The following MGAT4C variants were observed in gnomAD, a reference collection of about 807,000 sequenced individuals.
MGAT4C encodes the protein alpha-1,3-mannosyl-glycoprotein 4-beta-N-acetylglucosaminyltransferase C.
In MGAT4C, 19 loss-of-function variants were observed where a neutral mutation model predicts 40.1. The ratio of observed to expected loss-of-function variants is 0.47; its 90% CI spans 0.33 to 0.70. The LOEUF (loss-of-function observed/expected upper bound fraction) is 0.70. MGAT4C is among the 30% of genes least tolerant of loss of function. MGAT4C has a pLI of 0.02. For missense variants in MGAT4C, 491 were observed against 563.2 expected, an observed-to-expected ratio of 0.87 and a Z score of 1.30; for synonymous variants, 181 against 187.1, an observed-to-expected ratio of 0.97 and a Z score of 0.27.
intron 1 of MGAT4C, among the ~76,000 whole-genome samples, chr12:86,743,213 C>T (rs116980453): frequency 0.027 from 3,817 of 141,884 alleles, 75 homozygotes; most frequent in Non-Finnish European, 0.038. Flanking sequence ...ACAATAAGTA[C>T]GGCAGAGTTA....
At chr12:86,469,599 A>G (rs939766924) in intron 2 of MGAT4C, among the ~76,000 whole-genome samples, 3 of 152,160 alleles carry the variant, frequency 2.0e-5, no homozygotes, top group African/African-American at 2.4e-5. Context: ...TTAGATTGGT[A>G]CCAAAGTAAT....
chr12:86,140,680 G>A (rs1400161232), intron 1 of MGAT4C, among the ~76,000 whole-genome samples: 2 of 151,980 alleles, frequency 1.3e-5, no homozygotes, highest in African/African-American at 4.8e-5. Context: ...AAAATAATAT[G>A]TGCCCCCTAC....
chr12:86,542,460 G>A (rs765265224), intron 2 of MGAT4C, among the ~76,000 whole-genome samples: 14 of 152,198 alleles, frequency 9.2e-5, no homozygotes, highest in Non-Finnish European at 2.1e-4. Context: ...CTGAGGAACT[G>A]TGGGAGAGCT....
chr12:86,735,388 T>G (rs2136124247), intron 1 of MGAT4C, among the ~76,000 whole-genome samples: 1 of 151,862 alleles, frequency 6.6e-6, no homozygotes, highest in South Asian at 2.1e-4. Flanking sequence ...ACTGGAAAAT[T>G]TGTAAACACT....
At chr12:86,570,631 G>T (rs1960323736) in intron 2 of MGAT4C, among the ~76,000 whole-genome samples, 1 of 152,070 alleles carries the variant, frequency 6.6e-6, no homozygotes, top group South Asian at 2.1e-4. Context: ...AGACACCTAT[G>T]TTGGTGAATT....
chr12:86,447,150 A>G (rs1424597780), intron 2 of MGAT4C, among the ~76,000 whole-genome samples: 2 of 152,040 alleles, frequency 1.3e-5, no homozygotes, highest in African/African-American at 4.8e-5. Flanking sequence ...TTTGAGATGG[A>G]ATTTCACTCT....
In MGAT4C at chr12:86,546,367, G is replaced by A. The variant is rs147951435; in HGVS notation, c.-228-111102C>T. ...ATATTATTCTATATACTAAATAGCCGTCAACATAGGATATGGAAGAAAAAG... is the reference window on the plus strand; with the variant it reads ...ATATTATTCTATATACTAAATAGCCATCAACATAGGATATGGAAGAAAAAG... On this transcript the variant is annotated intron_variant, in intron 2 of 7. Coordinates refer to the MGAT4C transcript ENST00000548651. Among the ~76,000 whole-genome samples the A allele has an allele frequency of 8.6e-3, 1,300 of 151,522 alleles. 7 individuals carry two copies. Among genetic ancestry groups the A allele is most frequent in the Middle Eastern group, 0.017 (5 of 294 alleles).
intron 4 of MGAT4C, among the ~76,000 whole-genome samples, chr12:86,291,639 T>C (rs904956858): frequency 2.6e-5 from 4 of 152,178 alleles, no homozygotes; most frequent in African/African-American, 7.2e-5. Flanking sequence ...TATGTATATA[T>C]GAAGGATCCA....
intron 1 of MGAT4C, among the ~76,000 whole-genome samples, chr12:86,776,733 T>C (rs1951755192): frequency 6.6e-6 from 1 of 152,112 alleles, no homozygotes; most frequent in African/African-American, 2.4e-5. Context: ...GAGTAATAAT[T>C]GGCTAAAATG....
At chr12:86,243,228 T>C (rs577828584) in intron 1 of MGAT4C, among the ~76,000 whole-genome samples, 7 of 152,314 alleles carry the variant, frequency 4.6e-5, no homozygotes, top group African/African-American at 1.4e-4. Flanking sequence ...CAAATTTTTC[T>C]CAATCAAAAT....
chr12:86,114,679 G>C (rs772692181), intron 1 of MGAT4C, among the ~76,000 whole-genome samples: 2 of 151,886 alleles, frequency 1.3e-5, no homozygotes, highest in Non-Finnish European at 2.9e-5. Context: ...AATAGTTTCA[G>C]AGTTGTTCTC....
intron 1 of MGAT4C, among the ~76,000 whole-genome samples, chr12:86,216,555 G>T (rs1950680249): frequency 6.6e-6 from 1 of 152,140 alleles, no homozygotes; most frequent in Non-Finnish European, 1.5e-5. Flanking sequence ...AATGATAAGA[G>T]CTATTTAGGT....
chr12:86,007,671 ACT>A (rs1427248766), intron 2 of MGAT4C, among the ~76,000 whole-genome samples: 3 of 152,038 alleles, frequency 2.0e-5, no homozygotes, highest in Non-Finnish European at 4.4e-5. Context: ...GTTTCAACAG[ACT>A]CTAATGATTT....
chr12:86,692,511 A>T (rs1162529710), intron 2 of MGAT4C, among the ~76,000 whole-genome samples: 1 of 152,192 alleles, frequency 6.6e-6, no homozygotes, highest in East Asian at 1.9e-4. Flanking sequence ...ATTTCTCTCC[A>T]ATTTGTTTAA....
chr12:85,984,890 T>C (rs938756364), intron 3 of MGAT4C, among the ~76,000 whole-genome samples: 1 of 152,178 alleles, frequency 6.6e-6, no homozygotes, highest in African/African-American at 2.4e-5. Context: ...GCCATTCTCC[T>C]GCCTCAGCCT....
chr12:86,774,331 C>CTT (rs923284754), intron 1 of MGAT4C, among the ~76,000 whole-genome samples: 2 of 106,836 alleles, frequency 1.9e-5, no homozygotes, highest in Non-Finnish European at 3.9e-5. Flanking sequence ...TTCTTTCTTT[C>CTT]TTTCTTTCTG....
chr12:86,086,147 C>T (rs1871791684), intron 1 of MGAT4C, among the ~76,000 whole-genome samples: 2 of 152,060 alleles, frequency 1.3e-5, no homozygotes, highest in African/African-American at 2.4e-5. Context: ...ACCCAAATGC[C>T]CATCAATGTT....
intron 1 of MGAT4C, among the ~76,000 whole-genome samples, chr12:86,065,918 GACAA>G (rs1304029561): frequency 2.0e-5 from 3 of 152,044 alleles, no homozygotes; most frequent in Admixed American, 6.6e-5. Context: ...ACCAATAACA[GACAA>G]ACAAAGAGCC....
intron 2 of MGAT4C, among the ~76,000 whole-genome samples, chr12:86,615,864 T>C (rs576817525): frequency 1.1e-4 from 17 of 152,080 alleles, no homozygotes; most frequent in Non-Finnish European, 2.2e-4. Flanking sequence ...CTCAGTCTGG[T>C]CAGATACCAC....
Sources: allele counts gnomAD v4.1 joint callset (sites outside exome capture counted in the v4.1 genomes callset), GRCh38; gene constraint gnomAD v4.1.1; transcripts MANE v1.5; gene names NCBI Gene and HGNC (gene_info 2026-07-23, HGNC 2026-07-21).